GOLGA3: variants seen among roughly 807,000 people sequenced by gnomAD.
The protein encoded by GOLGA3 is golgin subfamily A member 3.
In GOLGA3, 75 loss-of-function variants were observed where a neutral mutation model predicts 169.4. The ratio of observed to expected loss-of-function variants is 0.44; its 90% CI spans 0.37 to 0.54. The LOEUF is 0.54. GOLGA3 is among the 20% of genes least tolerant of loss of function. The pLI is 0.00. For synonymous variants in GOLGA3, 824 were observed against 822.4 expected, an observed-to-expected ratio of 1.00 and a Z score of -0.03; for missense variants, 1,899 against 1,930.0, an observed-to-expected ratio of 0.98 and a Z score of 0.30.
intron 6 of GOLGA3, 86 bp downstream of exon 6, chr12:132,807,091 A>G: frequency 2.7e-6 from 2 of 753,614 alleles, no homozygotes; most frequent in Non-Finnish European, 4.5e-6. Flanking sequence ...TCCCAACCAC[A>G]TCTGTGAAAC....
intron 9 of GOLGA3, among the ~76,000 whole-genome samples, chr12:132,797,448 C>T (rs544233221): frequency 1.6e-4 from 25 of 152,334 alleles, no homozygotes; most frequent in African/African-American, 4.3e-4. Flanking sequence ...ATGAGGCTCA[C>T]GCCTGTAATC....
Position 132,808,113 on chromosome 12 carries a change from G to C in GOLGA3, c.956C>G (p.Ser319Trp), listed in dbSNP as rs775448845. ...CCCTCGGGTGGAGGCGCTGCTGTAC[G>C]ATGAGCTGTCGCTGTCATTTCCATC... ...EVDGNDSDSS[S>W]YSSASTRGTY... is the part of the protein sequence containing the mutation. The change falls in exon 5 of 24, where the codon TCG (serine) becomes TGG (tryptophan). Residue 319 changes from serine to tryptophan, a missense_variant. By Grantham distance (177) the Ser-to-Trp change is radical. Coordinates refer to ENST00000450791, the MANE Select transcript of GOLGA3 (RefSeq NM_001389683.1). The C allele has an allele frequency of 6.2e-7, 1 of 1,604,006 alleles. No individual in the cohort carries two copies. The highest frequency in any genetic ancestry group is 8.5e-7 in the Non-Finnish European group (1 of 1,173,902).
rs1949277557 is a variant in GOLGA3 at position 132,804,335 on chromosome 12, C to T, written c.1597+381G>A. On this transcript the variant is annotated intron_variant, in intron 7 of 23. Coordinates refer to ENST00000450791, the MANE Select transcript of GOLGA3 (RefSeq NM_001389683.1). The surrounding 1 kb of genome is among the most constrained non-coding windows in gnomAD (Gnocchi z 4.1). Reference sequence around the variant, plus strand: ...TACTCCAGGGTCCAAGGTCAATCTCCAAGACCTAATTCATTCCCCTGGATG... The same window carrying T: ...TACTCCAGGGTCCAAGGTCAATCTCTAAGACCTAATTCATTCCCCTGGATG... Among the ~76,000 whole-genome samples the T allele has an allele frequency of 6.6e-6, 1 of 152,214 alleles. No individual in the cohort carries two copies. The highest frequency in any genetic ancestry group is 1.5e-5 in the Non-Finnish European group (1 of 68,042).
intron 1 of GOLGA3, chr12:132,825,912 G>T (rs1950393257): frequency 5.2e-6 from 5 of 967,192 alleles, no homozygotes; most frequent in Non-Finnish European, 8.5e-6. Context: ...ATTCGAGGGC[G>T]GATCCTCTCT....
chr12:132,795,986 C>G lies in GOLGA3; in HGVS notation c.2335G>C (p.Glu779Gln). The stretch of plus-strand genomic sequence containing the variant: ...CTCTTGGCCGCCTGCAAAGCCGCCT[C>G]CAAGATGATCTTCTCGTTCTGCAGG... ...CLLQNEKIIL[E>Q]AALQAAKSGK... The change falls in exon 11 of 24, where the codon GAG becomes CAG. Residue 779 changes from glutamate (E) to glutamine (Q), a missense_variant. Transcript: ENST00000450791. The G allele has an allele frequency of 6.2e-7, 1 of 1,613,760 alleles. No homozygotes were observed. Among genetic ancestry groups the G allele is most frequent in the Non-Finnish European group, 8.5e-7 (1 of 1,180,042 alleles).
At chr12:132,803,278 C>T (rs1286953582) in intron 7 of GOLGA3, among the ~76,000 whole-genome samples, 1 of 152,196 alleles carries the variant, frequency 6.6e-6, no homozygotes, top group African/African-American at 2.4e-5. Flanking sequence ...CTGCTCCACA[C>T]GTGTCCATGA....
Position 132,783,515 on chromosome 12 carries a change from C to CTGGGGAGGCGGGGGG in GOLGA3, c.3267+648_3267+649insCCCCCCGCCTCCCCA, listed in dbSNP as rs1555252475. Among the ~76,000 whole-genome samples the CTGGGGAGGCGGGGGG allele has an allele frequency of 7.3e-5, 11 of 149,820 alleles. No individual in the cohort carries two copies. In the East Asian group the frequency reaches 7.9e-4, roughly 11 times the overall value. On this transcript the variant is annotated intron_variant, in intron 16 of 23. Transcript: ENST00000450791. ...CAGGGAGGGGCTGGGGAGTGGGGGGCGCCGGGACACTGAGCTGCCACCAGC... is the reference window on the plus strand; with the variant it reads ...CAGGGAGGGGCTGGGGAGTGGGGGGCTGGGGAGGCGGGGGGGCCGGGACACTGAGCTGCCACCAGC...
intron 3 of GOLGA3, 47 bp from the exon 4 acceptor site, chr12:132,813,466 G>T: frequency 9.5e-7 from 1 of 1,052,858 alleles, no homozygotes; most frequent in Non-Finnish European, 1.5e-6. Context: ...ATACCAGGAT[G>T]CAGAACAATC....
intron 21 of GOLGA3, among the ~76,000 whole-genome samples, chr12:132,775,603 T>G (rs2136249990): frequency 6.6e-6 from 1 of 152,196 alleles, no homozygotes; most frequent in South Asian, 2.1e-4. Context: ...TTTGTTCTTG[T>G]TTTTTTTAGA....
chr12:132,809,438 C>T (rs956110718), intron 4 of GOLGA3, among the ~76,000 whole-genome samples: 1 of 149,312 alleles, frequency 6.7e-6, no homozygotes, highest in Non-Finnish European at 1.5e-5. Flanking sequence ...CCACCCCCGC[C>T]CCCCCGCCCC....
chr12:132,774,805 G>C lies in GOLGA3; in HGVS notation c.4143+336C>G, dbSNP rs1310395706. 4 of 470,358 alleles carry C rather than the reference G, an allele frequency of 8.5e-6. No homozygotes were observed. In the Admixed American group the frequency reaches 1.5e-4, roughly 18 times the overall value. The allele number at this position is 470,358 out of a possible 1,614,324, so 29.1% of individuals were successfully genotyped here. On this transcript the variant is annotated intron_variant, in intron 22 of 23. Transcript: ENST00000450791. ...AAAACATGGATGTGGACCGAGCACA[G>C]AAAACCGCCGGGCGCCTGGGCACAG...
At chr12:132,814,584 AGCT>A (rs1324831005) in intron 3 of GOLGA3, among the ~76,000 whole-genome samples, 1 of 152,224 alleles carries the variant, frequency 6.6e-6, no homozygotes, top group African/African-American at 2.4e-5. Context: ...TCTGACGCAC[AGCT>A]CATCTCAGCT....
At chr12:132,774,086 G>T in intron 23 of GOLGA3, 71 bp downstream of exon 23, 2 of 1,381,562 alleles carry the variant, frequency 1.4e-6, no homozygotes, top group Non-Finnish European at 9.8e-7. Context: ...CTGGCACCAG[G>T]AGTGCCCTCC....
chr12:132,790,313 T>G lies in GOLGA3; in HGVS notation c.2547+903A>C, dbSNP rs550921698. On this transcript the variant is annotated intron_variant, in intron 12 of 23. Transcript: ENST00000450791. The stretch of plus-strand genomic sequence containing the variant: ...CGCACCACTGCCCTCCAGCCTGGGG[T>G]ACAGAGCGAGACTTCATCTCAAAAA... 8.6e-5 allele frequency among the ~76,000 whole-genome samples: 13 copies of G among 152,020 alleles called. No individual in the cohort carries two copies. The South Asian group carries it at 1.2e-3, about 15-fold the overall frequency.
chr12:132,785,211 G>A (rs550055845), intron 15 of GOLGA3, among the ~76,000 whole-genome samples: 8 of 152,212 alleles, frequency 5.3e-5, no homozygotes, highest in African/African-American at 7.2e-5. Context: ...CGGCCTTTGC[G>A]ACCTCCCCAC....
rs1176434593 is a variant in GOLGA3 at position 132,773,069 on chromosome 12, C to T, written c.*36G>A. 7.1e-7 allele frequency: 1 copy of T among 1,400,806 alleles called. No individual in the cohort carries two copies. The highest frequency in any genetic ancestry group is 2.5e-5 in the Admixed American group (1 of 39,308). 86.8% of individuals were successfully genotyped at this position (1,400,806 alleles called of 1,614,324 possible). On this transcript the variant is annotated 3_prime_UTR_variant, in exon 24 of 24. Transcript: ENST00000450791. ...AATAAATAACATTGATAAGAGCCTT[C>T]TGGGGCAGCGGCGCACGGAGGCGAG...
At chr12:132,809,530 G>GCGT (rs1949598610) in intron 4 of GOLGA3, among the ~76,000 whole-genome samples, 1 of 151,554 alleles carries the variant, frequency 6.6e-6, no homozygotes, top group African/African-American at 2.4e-5. Context: ...CTGGTAACGG[G>GCGT]CGTCTTCCCG....
Position 132,798,544 on chromosome 12 carries a change from C to T in GOLGA3, c.1801-67G>A, listed in dbSNP as rs145969407. On this transcript the variant is annotated intron_variant, in intron 8 of 23. Coordinates refer to ENST00000450791, the MANE Select transcript of GOLGA3 (RefSeq NM_001389683.1). ...AAGCAAGAAATGCAGACCAGCCTGTCCCTGGAGGCCCCAGGGTGAGGGTCA... is the reference window on the plus strand; with the variant it reads ...AAGCAAGAAATGCAGACCAGCCTGTTCCTGGAGGCCCCAGGGTGAGGGTCA... 9.0e-3 allele frequency: 13,221 copies of T among 1,462,426 alleles called. 69 individuals are homozygous for T. The highest frequency in any genetic ancestry group is 0.011 in the Non-Finnish European group (11,981 of 1,081,658). 90.6% of individuals were successfully genotyped at this position (1,462,426 alleles called of 1,614,324 possible).
intron 12 of GOLGA3, among the ~76,000 whole-genome samples, chr12:132,789,838 C>G (rs968450863): frequency 6.6e-6 from 1 of 151,240 alleles, no homozygotes; most frequent in African/African-American, 2.4e-5. Context: ...TTCAACCAGC[C>G]TGGCCAACAA....
Sources: gnomAD v4.1 joint callset for allele counts (sites outside exome capture counted in the v4.1 genomes callset) on GRCh38, gnomAD v4.1.1 for gene constraint, Gnocchi (gnomAD v3.1) non-coding constraint, MANE v1.5 for transcripts, NCBI Gene and HGNC (gene_info 2026-07-23, HGNC 2026-07-21) for gene names.